Variants in MYO7A observed in about 807,000 individuals in gnomAD.
The protein encoded by MYO7A is unconventional myosin-VIIa.
In MYO7A, 210 loss-of-function variants were observed where a neutral mutation model predicts 263.8. That is an observed-to-expected ratio of 0.80 (90% CI 0.71 to 0.89). The LOEUF is 0.89. MYO7A is among the 40% of genes least tolerant of loss of function. The pLI, the probability that MYO7A is intolerant of heterozygous loss-of-function variation, is 0.00. For synonymous variants in MYO7A, 1,239 were observed against 1,197.3 expected (o/e 1.03, Z -0.72); for missense variants, 2,820 against 2,968.3 (o/e 0.95, Z 1.16).
chr11:77,175,248 A>C, intron 17 of MYO7A, 124 bp from the exon 18 acceptor site: 1 of 855,914 alleles, frequency 1.2e-6, no homozygotes, highest in Non-Finnish European at 1.8e-6. Flanking sequence ...GACCCAGCTG[A>C]GGTCACACTT....
chr11:77,146,944 T>G (rs1230188588), intron 3 of MYO7A, among the ~76,000 whole-genome samples: 1 of 152,048 alleles, frequency 6.6e-6, no homozygotes, highest in Non-Finnish European at 1.5e-5. Flanking sequence ...TCCCAAATGC[T>G]CACCCATCTG....
intron 27 of MYO7A, among the ~76,000 whole-genome samples, chr11:77,186,366 G>T (rs1420947215): frequency 6.6e-6 from 1 of 152,188 alleles, no homozygotes; most frequent in Non-Finnish European, 1.5e-5. Context: ...CTTCTCTCTA[G>T]CTATGAAAGT....
At chr11:77,159,296 C>T (rs191994642) in intron 9 of MYO7A, 151 bp from the exon 10 acceptor site, 3 of 666,280 alleles carry the variant, frequency 4.5e-6, no homozygotes, top group Admixed American at 4.6e-5. Flanking sequence ...ACACCTTGAC[C>T]TGGGGAAGCA....
chr11:77,208,374 G>A, intron 42 of MYO7A, 56 bp from the exon 43 acceptor site: 1 of 1,361,440 alleles, frequency 7.3e-7, no homozygotes, highest in Non-Finnish European at 1.0e-6. Flanking sequence ...TAGGTGGGAA[G>A]GTCAGAAAAT....
chr11:77,180,899 G>GA (rs1332650684), intron 22 of MYO7A, among the ~76,000 whole-genome samples: 2 of 152,252 alleles, frequency 1.3e-5, no homozygotes, highest in Non-Finnish European at 2.9e-5. Context: ...TTTGGTGGGG[G>GA]AAAAATGAAT....
chr11:77,197,007 A>T (rs893068630), intron 32 of MYO7A, among the ~76,000 whole-genome samples: 5 of 152,128 alleles, frequency 3.3e-5, no homozygotes, highest in Non-Finnish European at 1.5e-5. Context: ...TAACTCCCAG[A>T]TTCACCAGAT....
chr11:77,187,195 GT>G (rs1555088946), intron 27 of MYO7A, among the ~76,000 whole-genome samples: 1 of 152,200 alleles, frequency 6.6e-6, no homozygotes, highest in Admixed American at 6.5e-5. Flanking sequence ...TAATAATAAA[GT>G]TTGAGATATT....
At chr11:77,199,905 A>G (rs1311716065) in intron 35 of MYO7A, 87 bp downstream of exon 35, 1 of 1,271,354 alleles carries the variant, frequency 7.9e-7, no homozygotes, top group Non-Finnish European at 1.1e-6. Context: ...GCTATAATGG[A>G]ACACTGGAGG....
intron 15 of MYO7A, among the ~76,000 whole-genome samples, chr11:77,166,896 C>T (rs1353823200): frequency 6.6e-6 from 1 of 152,144 alleles, no homozygotes; most frequent in Admixed American, 6.5e-5. Context: ...TCTCCTTGCC[C>T]CTCCTCTCCC....
At chr11:77,196,667 T>C (rs776470002) in intron 32 of MYO7A, among the ~76,000 whole-genome samples, 2 of 152,166 alleles carry the variant, frequency 1.3e-5, no homozygotes, top group African/African-American at 2.4e-5. Context: ...TGAGCTTGGG[T>C]TGGTGACATT....
intron 15 of MYO7A, among the ~76,000 whole-genome samples, chr11:77,171,219 A>T (rs1555075730): frequency 6.6e-6 from 1 of 152,012 alleles, no homozygotes; most frequent in East Asian, 1.9e-4. Flanking sequence ...TGGCGTGTGT[A>T]TGTGCATGCT....
chr11:77,148,834 A>T (rs1297633020), intron 4 of MYO7A, among the ~76,000 whole-genome samples: 1 of 152,238 alleles, frequency 6.6e-6, no homozygotes, highest in East Asian at 1.9e-4. Context: ...TGAGAAGAGT[A>T]GCATTGTTTT....
rs2135464218 is a variant in MYO7A at position 77,179,041 on chromosome 11, T to G, written c.2283-4T>G. 3 of 1,601,416 alleles carry G rather than the reference T, an allele frequency of 1.9e-6. No homozygotes were observed. Among genetic ancestry groups the G allele is most frequent in the Non-Finnish European group, 2.6e-6 (3 of 1,174,586 alleles). On this transcript the variant is annotated splice_polypyrimidine_tract_variant and splice_region_variant and intron_variant, in intron 19 of 48. Transcript: ENST00000409709. ...GCTCACCCGCGCCACTACTGCTGTT[T>G]CAGGTCTAACTTTCTGAAGCTGAAG...
chr11:77,162,055 G>T (rs1473499048), intron 12 of MYO7A, 65 bp from the exon 13 acceptor site: 25 of 1,443,920 alleles, frequency 1.7e-5, no homozygotes, highest in Non-Finnish European at 2.3e-5. Context: ...TGGAGGCAGA[G>T]CCAGGCCCTG....
chr11:77,185,470 C>T (rs1955584804), intron 27 of MYO7A, among the ~76,000 whole-genome samples: 1 of 152,308 alleles, frequency 6.6e-6, no homozygotes, highest in African/African-American at 2.4e-5. Flanking sequence ...TTTCTTTGCT[C>T]CTCCATAAGA....
chr11:77,205,326 T>G (rs1256739442), intron 39 of MYO7A, 136 bp from the exon 40 acceptor site: 3 of 1,046,884 alleles, frequency 2.9e-6, no homozygotes, highest in Non-Finnish European at 4.0e-6. Flanking sequence ...GGTCCTGAGA[T>G]AGGGTAAAGG....
intron 4 of MYO7A, among the ~76,000 whole-genome samples, chr11:77,153,138 G>C (rs545835994): frequency 6.6e-6 from 1 of 152,126 alleles, no homozygotes; most frequent in African/African-American, 2.4e-5. Context: ...AGATTGTTGG[G>C]GGGTTGAGTA....
At chr11:77,149,171 C>A (rs1951792731) in intron 4 of MYO7A, among the ~76,000 whole-genome samples, 1 of 152,210 alleles carries the variant, frequency 6.6e-6, no homozygotes, top group South Asian at 2.1e-4. Context: ...CCAGCCCCAT[C>A]CTCCCGCAGC....
At chr11:77,170,598 C>T (rs1954001758) in intron 15 of MYO7A, among the ~76,000 whole-genome samples, 1 of 152,164 alleles carries the variant, frequency 6.6e-6, no homozygotes, top group Non-Finnish European at 1.5e-5. Flanking sequence ...CTCAAAGCTC[C>T]AGCACCCAGA....
Sources: gnomAD v4.1 joint callset for allele counts (sites outside exome capture counted in the v4.1 genomes callset) on GRCh38, gnomAD v4.1.1 for gene constraint, MANE v1.5 for transcripts, NCBI Gene and HGNC (gene_info 2026-07-23, HGNC 2026-07-21) for gene names.